Variants in CDH8 observed in about 807,000 individuals in gnomAD.
CDH8 encodes cadherin-8.
In CDH8, 17 loss-of-function variants were observed where a neutral mutation model predicts 68.1. The ratio of observed to expected loss-of-function variants is 0.25; its 90% CI spans 0.17 to 0.37. CDH8 has a LOEUF of 0.37. CDH8 is among the 10% of genes least tolerant of loss of function. CDH8 has a pLI of 1.00. For missense variants in CDH8, 763 were observed against 999.3 expected, an observed-to-expected ratio of 0.76 and a Z score of 3.19; for synonymous variants, 372 against 365.1, an observed-to-expected ratio of 1.02 and a Z score of -0.21.
chr16:61,819,870 A>G (rs984644258), intron 6 of CDH8, among the ~76,000 whole-genome samples: 1 of 152,106 alleles, frequency 6.6e-6, no homozygotes, highest in Non-Finnish European at 1.5e-5. Flanking sequence ...TTTAAAAGCT[A>G]GTTTGATCTA....
At chr16:61,903,805 A>C (rs570168457) in intron 2 of CDH8, among the ~76,000 whole-genome samples, 1 of 152,336 alleles carries the variant, frequency 6.6e-6, no homozygotes, top group Non-Finnish European at 1.5e-5. Context: ...AACAGAGAAG[A>C]GGCACTATTA....
chr16:61,929,452 T>C (rs1964506707), intron 2 of CDH8, among the ~76,000 whole-genome samples: 2 of 152,196 alleles, frequency 1.3e-5, no homozygotes, highest in African/African-American at 4.8e-5. Context: ...AAGGGTTGGC[T>C]GTTCGCCTAC....
chr16:61,968,876 G>A (rs1415411790), intron 2 of CDH8, among the ~76,000 whole-genome samples: 1 of 152,188 alleles, frequency 6.6e-6, no homozygotes, highest in Non-Finnish European at 1.5e-5. Context: ...CTGACAAGGT[G>A]CAGGCAGCTC....
intron 2 of CDH8, among the ~76,000 whole-genome samples, chr16:61,924,533 T>C (rs1964426880): frequency 6.6e-6 from 1 of 152,130 alleles, no homozygotes; most frequent in Non-Finnish European, 1.5e-5. Context: ...CTGAAAGTTG[T>C]TGAAAATAAT....
intron 1 of CDH8, among the ~76,000 whole-genome samples, chr16:62,030,135 C>T (rs1001534588): frequency 2.6e-5 from 4 of 152,160 alleles, no homozygotes; most frequent in African/African-American, 4.8e-5. Context: ...TGACACTTAA[C>T]GTGAACTACA....
chr16:61,816,360 C>T (rs1962074357), intron 7 of CDH8, among the ~76,000 whole-genome samples: 1 of 152,164 alleles, frequency 6.6e-6, no homozygotes, highest in Admixed American at 6.5e-5. Context: ...GAATTTAATA[C>T]ATTTTTTAAA....
chr16:61,822,170 A>G (rs1042489214), intron 5 of CDH8, among the ~76,000 whole-genome samples: 4 of 133,030 alleles, frequency 3.0e-5, no homozygotes, highest in African/African-American at 1.1e-4. Flanking sequence ...ATAAAGTTCC[A>G]GTAACCCACT....
chr16:61,972,650 C>G (rs576614600), intron 2 of CDH8, among the ~76,000 whole-genome samples: 1 of 146,436 alleles, frequency 6.8e-6, no homozygotes, highest in South Asian at 2.3e-4. Flanking sequence ...TCAGAATAAC[C>G]TTCTCCATGA....
At chr16:61,769,845 A>AT in intron 8 of CDH8, among the ~76,000 whole-genome samples, 1 of 151,862 alleles carries the variant, frequency 6.6e-6, no homozygotes, top group East Asian at 1.9e-4. Context: ...TATTTTTATG[A>AT]TTTTGCAACC....
chr16:61,960,865 A>C (rs748806587), intron 2 of CDH8, among the ~76,000 whole-genome samples: 1 of 152,112 alleles, frequency 6.6e-6, no homozygotes, highest in African/African-American at 2.4e-5. Context: ...CATGTTGCCC[A>C]CTTTCCCTTG....
intron 2 of CDH8, among the ~76,000 whole-genome samples, chr16:61,982,207 TG>T (rs1965544516): frequency 6.6e-6 from 1 of 152,122 alleles, no homozygotes; most frequent in African/African-American, 2.4e-5. Flanking sequence ...TCTTTAGCTG[TG>T]AGACATTAGG....
intron 7 of CDH8, 24 bp from the exon 8 acceptor site, chr16:61,789,506 TC>T (rs1403747438): frequency 6.2e-7 from 1 of 1,608,850 alleles, no homozygotes. Flanking sequence ...ACATCTGTAA[TC>T]TACTTCAATG....
chr16:61,847,155 A>G (rs1201831452), intron 4 of CDH8, among the ~76,000 whole-genome samples: 2 of 152,072 alleles, frequency 1.3e-5, no homozygotes, highest in Non-Finnish European at 2.9e-5. Context: ...TCTGGATTTA[A>G]CTGTCTGTGT....
At chr16:61,782,497 C>A (rs1482755571) in intron 8 of CDH8, among the ~76,000 whole-genome samples, 1 of 152,062 alleles carries the variant, frequency 6.6e-6, no homozygotes, top group Non-Finnish European at 1.5e-5. Context: ...TGCAAGGCAG[C>A]AGCGAGGCTG....
At chr16:61,852,877 CCTTCCTTCCTTCCTTCCATT>C (rs1214664164) in intron 4 of CDH8, among the ~76,000 whole-genome samples, 39 of 133,652 alleles carry the variant, frequency 2.9e-4, no homozygotes, top group African/African-American at 1.2e-3. Flanking sequence ...TTCCTTCCTT[CCTTCCTTCCTTCCTTCCATT>C]CTTCCTTCCT....
chr16:61,934,837 C>T (rs1403472616), intron 2 of CDH8, among the ~76,000 whole-genome samples: 2 of 152,064 alleles, frequency 1.3e-5, no homozygotes, highest in Non-Finnish European at 2.9e-5. Context: ...GATTGTCACC[C>T]GAAGCTTTTC....
chr16:61,846,885 T>C (rs1328655456), intron 4 of CDH8, among the ~76,000 whole-genome samples: 2 of 152,030 alleles, frequency 1.3e-5, no homozygotes, highest in Non-Finnish European at 2.9e-5. Flanking sequence ...ACAAAGCATC[T>C]AAAGAGAAAA....
chr16:61,779,752 A>G (rs181655862), intron 8 of CDH8, among the ~76,000 whole-genome samples: 5 of 152,228 alleles, frequency 3.3e-5, no homozygotes, highest in African/African-American at 1.2e-4. Flanking sequence ...TTATTAGGCA[A>G]TATTCTTACT....
intron 9 of CDH8, among the ~76,000 whole-genome samples, chr16:61,724,648 G>A (rs536467372): frequency 4.6e-5 from 7 of 150,852 alleles, no homozygotes; most frequent in African/African-American, 1.7e-4. Flanking sequence ...CTGTTGTAAA[G>A]CAGACATAAA....
Sources: gnomAD v4.1 joint callset for allele counts (sites outside exome capture counted in the v4.1 genomes callset) on GRCh38, gnomAD v4.1.1 for gene constraint, MANE v1.5 for transcripts, NCBI Gene and HGNC (gene_info 2026-07-23, HGNC 2026-07-21) for gene names.